The following ZNF385D variants were observed in gnomAD, a reference collection of about 807,000 sequenced individuals.
The protein encoded by ZNF385D is zinc finger protein 385D, also known as zinc finger protein 659.
Under a neutral mutation model 35.8 loss-of-function variants are expected in ZNF385D, and 15 were observed. The observed-to-expected ratio is 0.42, with a 90% confidence interval of 0.28 to 0.64. The LOEUF is 0.64. Among genes scored for constraint, ZNF385D ranks in the 30% least tolerant of loss-of-function variants. ZNF385D has a pLI of 0.23. For missense variants in ZNF385D, 474 were observed against 494.6 expected (o/e 0.96, Z 0.39); for synonymous variants, 212 against 186.8 (o/e 1.13, Z -1.10).
chr3:22,116,939 T>A (rs960408939), intron 3 of ZNF385D, among the ~76,000 whole-genome samples: 2 of 152,060 alleles, frequency 1.3e-5, no homozygotes, highest in African/African-American at 2.4e-5. Context: ...CATTTGGCCA[T>A]CATAACCACC....
At chr3:22,347,364 G>A (rs1695705577) in intron 2 of ZNF385D, among the ~76,000 whole-genome samples, 1 of 152,150 alleles carries the variant, frequency 6.6e-6, no homozygotes, top group Non-Finnish European at 1.5e-5. Context: ...CTCTCCTTGA[G>A]TTTTGATCTA....
chr3:21,826,121 A>G (rs1021112036), intron 3 of ZNF385D, among the ~76,000 whole-genome samples: 5 of 152,160 alleles, frequency 3.3e-5, no homozygotes, highest in Non-Finnish European at 7.3e-5. Context: ...GCTCTAGCCA[A>G]CTTTCTCTTA....
At chr3:22,336,372 A>ATCAGAAATAT in intron 2 of ZNF385D, among the ~76,000 whole-genome samples, 1 of 152,174 alleles carries the variant, frequency 6.6e-6, no homozygotes, top group Non-Finnish European at 1.5e-5. Context: ...CTAAAAAGCT[A>ATCAGAAATAT]TTCAACTGTA....
rs188033752 is a variant in ZNF385D at position 22,274,232 on chromosome 3, A to G, written c.106+98218T>C. Among the ~76,000 whole-genome samples the G allele has an allele frequency of 2.0e-5, 3 of 152,132 alleles. No homozygotes were observed. The East Asian group carries it at 5.8e-4, about 30-fold the overall frequency. On this transcript the variant is annotated intron_variant, in intron 2 of 5. Transcript: ENST00000494108. ...AAGAAAGAAGAACAAAGAATGTATT[A>G]TAATATACTACTTTTGTCTACCTAG... is the stretch of plus-strand genomic sequence containing the variant.
chr3:21,807,673 T>A (rs895595822), intron 3 of ZNF385D, among the ~76,000 whole-genome samples: 3 of 152,166 alleles, frequency 2.0e-5, no homozygotes, highest in Non-Finnish European at 2.9e-5. Flanking sequence ...AATGGAATTA[T>A]GGTGAAAATG....
rs535682787 is a variant in ZNF385D at position 22,102,998 on chromosome 3, G to T, written c.325+65819C>A. Among the ~76,000 whole-genome samples, 61 of 149,500 alleles carry T rather than the reference G, an allele frequency of 4.1e-4. 1 individual carries two copies. In the South Asian group the frequency reaches 0.012, roughly 30 times the overall value. ...TTATATATTTTATATATTATATACTGTATATATATAAGTGAATAAATTTCT... is the reference window on the plus strand; with the variant it reads ...TTATATATTTTATATATTATATACTTTATATATATAAGTGAATAAATTTCT... On this transcript the variant is annotated intron_variant, in intron 3 of 5. Transcript: ENST00000494108.
chr3:21,531,303 G>T (rs981927697), intron 3 of ZNF385D, among the ~76,000 whole-genome samples: 4 of 152,244 alleles, frequency 2.6e-5, no homozygotes, highest in Admixed American at 6.5e-5. Context: ...ATTCATTGTT[G>T]GTAGAAATGT....
intron 2 of ZNF385D, among the ~76,000 whole-genome samples, chr3:21,592,787 C>CAGTT (rs776393293): frequency 2.0e-5 from 3 of 152,142 alleles, no homozygotes; most frequent in Admixed American, 1.3e-4. Context: ...AAGTAGAAAA[C>CAGTT]AGTTAGAATC....
At chr3:21,958,760 C>A (rs953582638) in intron 3 of ZNF385D, 10 of 139,288 alleles carry the variant, frequency 7.2e-5, no homozygotes, top group Admixed American at 1.4e-4. Context: ...TGATGGCTTG[C>A]GGATAGCAAT....
intron 3 of ZNF385D, among the ~76,000 whole-genome samples, chr3:21,806,527 A>G (rs2072657475): frequency 6.6e-6 from 1 of 152,012 alleles, no homozygotes; most frequent in African/African-American, 2.4e-5. Context: ...TTTATAGTTA[A>G]TTGGGGTCAC....
chr3:21,676,832 A>G (rs945593239), intron 1 of ZNF385D, among the ~76,000 whole-genome samples: 4 of 151,876 alleles, frequency 2.6e-5, no homozygotes, highest in African/African-American at 9.7e-5. Context: ...TCCTTTTCAA[A>G]TATCTACCAA....
intron 2 of ZNF385D, among the ~76,000 whole-genome samples, chr3:22,243,728 C>A (rs1029708616): frequency 1.3e-5 from 2 of 150,822 alleles, no homozygotes; most frequent in Non-Finnish European, 2.9e-5. Context: ...GTAGGCAGCT[C>A]TCAGATATTG....
intron 2 of ZNF385D, among the ~76,000 whole-genome samples, chr3:21,630,254 G>A (rs1271298874): frequency 6.7e-6 from 1 of 148,444 alleles, no homozygotes; most frequent in Non-Finnish European, 1.5e-5. Flanking sequence ...CCAGGCTGGA[G>A]TACAATGTTG....
intron 3 of ZNF385D, among the ~76,000 whole-genome samples, chr3:22,139,134 T>C (rs888992758): frequency 6.6e-6 from 1 of 152,128 alleles, no homozygotes; most frequent in African/African-American, 2.4e-5. Context: ...GGAGAGGATG[T>C]GGAGAAATAG....
At chr3:21,505,902 G>A (rs1261845468) in intron 4 of ZNF385D, among the ~76,000 whole-genome samples, 1 of 152,084 alleles carries the variant, frequency 6.6e-6, no homozygotes, top group Admixed American at 6.6e-5. Context: ...CATTGAATAT[G>A]TATACTTGGC....
intron 3 of ZNF385D, among the ~76,000 whole-genome samples, chr3:21,823,414 G>A (rs1267889515): frequency 6.7e-6 from 1 of 149,120 alleles, no homozygotes; most frequent in Admixed American, 6.7e-5. Flanking sequence ...TCCAGTGCAT[G>A]TGTATGCCTG....
intron 2 of ZNF385D, among the ~76,000 whole-genome samples, chr3:22,208,435 G>A (rs1007692821): frequency 1.3e-5 from 2 of 151,796 alleles, no homozygotes; most frequent in Non-Finnish European, 1.5e-5. Flanking sequence ...GGTTACCAGA[G>A]GCTGGCAAGT....
intron 3 of ZNF385D, among the ~76,000 whole-genome samples, chr3:21,877,474 T>C (rs761902359): frequency 4.6e-5 from 7 of 152,080 alleles, no homozygotes; most frequent in Non-Finnish European, 1.0e-4. Flanking sequence ...ACACACACTT[T>C]GGTAGTTATT....
chr3:21,516,959 CT>C (rs1707607298), intron 3 of ZNF385D, among the ~76,000 whole-genome samples: 1 of 151,542 alleles, frequency 6.6e-6, no homozygotes, highest in South Asian at 2.1e-4. Context: ...ATGTTTTTCC[CT>C]TTTTTTGTTT....
Sources: gnomAD v4.1 joint callset for allele counts (sites outside exome capture counted in the v4.1 genomes callset) on GRCh38, gnomAD v4.1.1 for gene constraint, MANE v1.5 for transcripts, NCBI Gene and HGNC (gene_info 2026-07-23, HGNC 2026-07-21) for gene names.